TMEM164: variants seen among roughly 807,000 people sequenced by gnomAD.
TMEM164 encodes the protein transmembrane protein 164.
TMEM164 carries 4 observed loss-of-function variants against 18.8 expected under a neutral mutation model. The ratio of observed to expected loss-of-function variants is 0.21; its 90% CI spans 0.10 to 0.49. TMEM164 has a LOEUF of 0.49. Among genes scored for constraint, TMEM164 ranks in the 20% least tolerant of loss-of-function variants. TMEM164 has a pLI of 0.98. For synonymous variants in TMEM164, 86 were observed against 101.7 expected (o/e 0.85, Z 0.93); for missense variants, 108 against 239.9 (o/e 0.45, Z 3.63).
chrX:110,105,002 TCTGTCCA>T (rs1297738889), intron 3 of TMEM164, among the ~76,000 whole-genome samples: 2 of 111,962 alleles, frequency 1.8e-5, no homozygotes, highest in Non-Finnish European at 3.8e-5. Context: ...TGGCCTTCAG[TCTGTCCA>T]TCTGCTTTCT....
At chrX:110,009,938 A>G (rs765995515) in intron 2 of TMEM164, among the ~76,000 whole-genome samples, 1 of 109,141 alleles carries the variant, frequency 9.2e-6, no homozygotes, top group East Asian at 2.9e-4. Context: ...GGTTGCAGTG[A>G]GCCGAGATCC....
At position 110,019,660 on chromosome X, in the gene TMEM164, A is replaced by G. The variant is rs1032546767; in HGVS notation, c.390+15496A>G. Among the ~76,000 whole-genome samples, 6 of 112,284 alleles carry G rather than the reference A, an allele frequency of 5.3e-5. 1 individual carries two copies. In the Admixed American group the frequency reaches 5.7e-4, roughly 11 times the overall value. On this transcript the variant is annotated intron_variant, in intron 2 of 6. Transcript: ENST00000372068. ...TATATTGTCCCTGGCCGACTGTGCTAATCAATCATAGGCACGCTTTCCCAG... is the reference window on the plus strand; with the variant it reads ...TATATTGTCCCTGGCCGACTGTGCTGATCAATCATAGGCACGCTTTCCCAG...
intron 5 of TMEM164, among the ~76,000 whole-genome samples, chrX:110,145,949 A>C (rs1294760853): frequency 1.8e-5 from 2 of 111,868 alleles, no homozygotes; most frequent in African/African-American, 6.5e-5. Context: ...TACTTGCCTA[A>C]ATATTCTTTG....
chrX:110,094,540 C>A (rs140453537), intron 3 of TMEM164, among the ~76,000 whole-genome samples: 148 of 111,727 alleles, frequency 1.3e-3, no homozygotes, highest in African/African-American at 4.7e-3. Context: ...GGTAGATCTT[C>A]CTCCATCCCT....
intron 5 of TMEM164, among the ~76,000 whole-genome samples, chrX:110,145,725 C>T (rs1298717557): frequency 8.9e-6 from 1 of 111,936 alleles, no homozygotes; most frequent in Non-Finnish European, 1.9e-5. Context: ...CCACATGGGC[C>T]CTTGAGCTCA....
chrX:110,090,370 A>G (rs1355836383), intron 3 of TMEM164, among the ~76,000 whole-genome samples: 1 of 108,571 alleles, frequency 9.2e-6, no homozygotes, highest in Non-Finnish European at 1.9e-5. Flanking sequence ...TAGTGGCACA[A>G]TCTCGGCTCA....
At chrX:110,032,538 T>A (rs1934564638) in intron 2 of TMEM164, among the ~76,000 whole-genome samples, 1 of 111,630 alleles carries the variant, frequency 9.0e-6, no homozygotes, top group South Asian at 3.7e-4. Context: ...AACTCAAAAC[T>A]CAGAGAATAA....
chrX:110,138,082 A>G (rs2066716161), intron 4 of TMEM164, among the ~76,000 whole-genome samples: 1 of 112,123 alleles, frequency 8.9e-6, no homozygotes, highest in African/African-American at 3.2e-5. Flanking sequence ...GAATGATGAA[A>G]TGAAACCCCA....
chrX:110,021,668 G>C (rs186560769), intron 2 of TMEM164, among the ~76,000 whole-genome samples: 1 of 111,520 alleles, frequency 9.0e-6, no homozygotes, highest in East Asian at 2.8e-4. Flanking sequence ...AATTTTAGTA[G>C]TAGGGAAGCT....
intron 2 of TMEM164, among the ~76,000 whole-genome samples, chrX:110,008,700 A>T (rs1266875357): frequency 9.0e-6 from 1 of 111,518 alleles, no homozygotes; most frequent in Admixed American, 9.5e-5. Context: ...TAAAATTATG[A>T]TGCTAGTTTT....
At chrX:110,087,180 A>G (rs2065865941) in intron 3 of TMEM164, among the ~76,000 whole-genome samples, 1 of 111,972 alleles carries the variant, frequency 8.9e-6, no homozygotes, top group African/African-American at 3.2e-5. Context: ...CATTTTAGTT[A>G]TTAACCACAG....
chrX:110,022,224 G>C (rs1200113399), intron 2 of TMEM164, among the ~76,000 whole-genome samples: 1 of 106,003 alleles, frequency 9.4e-6, no homozygotes, highest in East Asian at 2.8e-4. Flanking sequence ...TGTGTGTATT[G>C]AGTGATATCT....
At chrX:110,013,921 C>G (rs1357277242) in intron 2 of TMEM164, among the ~76,000 whole-genome samples, 1 of 111,281 alleles carries the variant, frequency 9.0e-6, no homozygotes, top group African/African-American at 3.3e-5. Flanking sequence ...AGAGTACAGG[C>G]TCTAGGGTGG....
downstream of TMEM164, among the ~76,000 whole-genome samples, chrX:110,181,866 T>G (rs965530829): frequency 3.6e-5 from 4 of 112,326 alleles, no homozygotes; most frequent in Non-Finnish European, 7.5e-5. Flanking sequence ...TTACTATGCT[T>G]GTTCCCAGAG....
chrX:110,067,252 G>A (rs2065515836), intron 2 of TMEM164, 95 bp from the exon 3 acceptor site: 5 of 894,250 alleles, frequency 5.6e-6, no homozygotes, highest in Middle Eastern at 2.7e-4. Flanking sequence ...TTGTGTTAGA[G>A]TTTTGGTTAT....
rs1356704941 is a variant in TMEM164 at position 110,151,243 on chromosome X, T to C, written c.586+6367T>C. On this transcript the variant is annotated intron_variant, in intron 5 of 6. Transcript: ENST00000372068. ...TGTGTGCAAGAATATCTATAGGATA[T>C]ATTCCCAGAAGTGGTAATGCTGAAT... 5.3e-5 allele frequency among the ~76,000 whole-genome samples: 6 copies of C among 112,245 alleles called. No individual in the cohort carries two copies. In the East Asian group the frequency reaches 1.1e-3, roughly 21 times the overall value.
intron 3 of TMEM164, among the ~76,000 whole-genome samples, chrX:110,093,134 G>T (rs1442378622): frequency 7.2e-5 from 8 of 111,564 alleles, no homozygotes; most frequent in Non-Finnish European, 1.3e-4. Context: ...GAGGATTTTT[G>T]CATCGATGTT....
chrX:110,038,238 G>T (rs75384150), intron 2 of TMEM164, among the ~76,000 whole-genome samples: 1 of 110,722 alleles, frequency 9.0e-6, no homozygotes, highest in African/African-American at 3.3e-5. Context: ...TGATCCGCCC[G>T]CCTCGGCCTC....
intron 3 of TMEM164, among the ~76,000 whole-genome samples, chrX:110,105,093 CCCTTCCTGT>C (rs1202279362): frequency 9.2e-6 from 1 of 108,250 alleles, no homozygotes; most frequent in Admixed American, 1.0e-4. Flanking sequence ...ATTCCTTTTT[CCCTTCCTGT>C]CCTTCCTTCA....
Sources: allele counts gnomAD v4.1 joint callset (sites outside exome capture counted in the v4.1 genomes callset), GRCh38; gene constraint gnomAD v4.1.1; transcripts MANE v1.5; gene names NCBI Gene and HGNC (gene_info 2026-07-23, HGNC 2026-07-21).